NPC1: variants seen among roughly 807,000 people sequenced by gnomAD.
The protein encoded by NPC1 is Niemann-Pick C1 protein.
In NPC1, 85 loss-of-function variants were observed where a neutral mutation model predicts 140.4. The ratio of observed to expected loss-of-function variants is 0.61; its 90% CI spans 0.51 to 0.72. NPC1 has a LOEUF of 0.72. Among genes scored for constraint, NPC1 ranks in the 30% least tolerant of loss-of-function variants. The pLI is 0.00. For synonymous variants in NPC1, 656 were observed against 624.8 expected (o/e 1.05, Z -0.74); for missense variants, 1,504 against 1,623.8 (o/e 0.93, Z 1.27).
chr18:23,536,462 C>T (rs2058632560), intron 21 of NPC1, among the ~76,000 whole-genome samples: 2 of 152,148 alleles, frequency 1.3e-5, no homozygotes, highest in East Asian at 1.9e-4. Context: ...TCAAGTTTTG[C>T]GTCTCTAGCC....
chr18:23,552,519 A>G (rs1013696668), intron 9 of NPC1, among the ~76,000 whole-genome samples: 1 of 152,218 alleles, frequency 6.6e-6, no homozygotes, highest in Non-Finnish European at 1.5e-5. Flanking sequence ...TTTTACAAAG[A>G]TAGCTTGCGT....
intron 4 of NPC1, among the ~76,000 whole-genome samples, chr18:23,565,555 C>T (rs576387303): frequency 2.6e-5 from 4 of 152,220 alleles, no homozygotes; most frequent in African/African-American, 7.2e-5. Context: ...GGGGTTTCAC[C>T]ATGTTGGCCA....
chr18:23,561,857 A>G (rs1053015831), intron 4 of NPC1, among the ~76,000 whole-genome samples: 8 of 152,170 alleles, frequency 5.3e-5, no homozygotes, highest in Admixed American at 1.3e-4. Flanking sequence ...GCCCAGGAAG[A>G]CGCAGCTAAG....
chr18:23,554,216 C>G (rs997840162), intron 9 of NPC1, among the ~76,000 whole-genome samples: 2 of 152,144 alleles, frequency 1.3e-5, no homozygotes, highest in Admixed American at 6.5e-5. Flanking sequence ...ATGCACCCCC[C>G]ACTCTGTCCA....
rs2058765443 is a variant in NPC1, at chr18:23,544,948, C to CT, written c.1947+11_1947+12insA. ...TAACCTCTAGAACATACACCACCCCCCCCCGGCTTACCAGAAGCCTGCGAC... is the reference window on the plus strand; with the variant it reads ...TAACCTCTAGAACATACACCACCCCCTCCCCGGCTTACCAGAAGCCTGCGAC... On this transcript the variant is annotated intron_variant, in intron 12 of 24. Transcript: ENST00000269228. 2.9e-5 allele frequency: 40 copies of CT among 1,379,418 alleles called. 6 individuals are homozygous for CT. Among genetic ancestry groups the CT allele is most frequent in the Admixed American group, 3.5e-5 (2 of 56,796 alleles). The allele number at this position is 1,379,418 out of a possible 1,614,324, so 85.4% of individuals were successfully genotyped here.
chr18:23,581,690 T>C (rs570151365), intron 1 of NPC1, among the ~76,000 whole-genome samples: 2 of 152,254 alleles, frequency 1.3e-5, no homozygotes, highest in East Asian at 1.9e-4. Flanking sequence ...GTAATTTACA[T>C]ACCATAAAAT....
At chr18:23,560,867 C>G (rs12956532) in intron 5 of NPC1, among the ~76,000 whole-genome samples, 20,134 of 152,248 alleles carry the variant, frequency 0.13, 1,596 homozygotes, top group Middle Eastern at 0.28. Context: ...CAATTCATTT[C>G]CTCCTCCATT....
At chr18:23,545,212 C>T (rs2058772002) in intron 11 of NPC1, 63 bp from the exon 12 acceptor site, 20 of 1,235,706 alleles carry the variant, frequency 1.6e-5, no homozygotes, top group Non-Finnish European at 2.4e-5. Context: ...TAAGAAACTT[C>T]TCCCTAACTT....
At chr18:23,577,853 C>T (rs1159766186) in intron 1 of NPC1, among the ~76,000 whole-genome samples, 3 of 152,368 alleles carry the variant, frequency 2.0e-5, no homozygotes, top group African/African-American at 7.2e-5. Flanking sequence ...CCCAGTACAC[C>T]CTCTGCAGCC....
intron 11 of NPC1, 71 bp from the exon 12 acceptor site, chr18:23,545,220 C>A (rs1277295566): frequency 8.6e-7 from 1 of 1,157,386 alleles, no homozygotes; most frequent in African/African-American, 1.5e-5. Context: ...TTCTCCCTAA[C>A]TTTCACGATA....
At chr18:23,520,155 C>A (rs757968505), downstream of NPC1, 1 of 1,458,386 alleles carries the variant, frequency 6.9e-7, no homozygotes, top group South Asian at 1.1e-5. Flanking sequence ...AGCAACTGGG[C>A]AAACCATGAT....
chr18:23,583,083 G>A (rs946489403), intron 1 of NPC1, among the ~76,000 whole-genome samples: 1 of 148,900 alleles, frequency 6.7e-6, no homozygotes, highest in East Asian at 1.9e-4. Context: ...CTTCAGCCTG[G>A]GGGACAGTGC....
chr18:23,569,667 C>G (rs774480510), intron 3 of NPC1, among the ~76,000 whole-genome samples: 1 of 152,130 alleles, frequency 6.6e-6, no homozygotes, highest in South Asian at 2.1e-4. Context: ...TTATGAGAAT[C>G]TTCATCTTAT....
Position 23,572,318 on chromosome 18 carries a change from G to A in NPC1, c.181-138C>T, listed in dbSNP as rs555732980. ...GTAAGACACATCCTGTATTTGCAAA[G>A]TTATTATAGAATTATTTTAAAAGGC... On this transcript the variant is annotated intron_variant, in intron 2 of 24. Coordinates refer to ENST00000269228, the MANE Select transcript of NPC1 (RefSeq NM_000271.5). The A allele has an allele frequency of 3.5e-5, 23 of 665,706 alleles. No individual in the cohort carries two copies. The East Asian group carries it at 5.2e-4, about 15-fold the overall frequency. 41.2% of individuals were successfully genotyped at this position (665,706 alleles called of 1,614,324 possible).
At chr18:23,519,443 A>T (rs9967282), downstream of NPC1, among the ~76,000 whole-genome samples, 35 of 152,122 alleles carry the variant, frequency 2.3e-4, 1 homozygote, top group African/African-American at 8.4e-4. Flanking sequence ...GCTTGAGCCC[A>T]GGAGGTCGGG....
At chr18:23,531,087 T>C (rs1310254417), downstream of NPC1, among the ~76,000 whole-genome samples, 2 of 149,716 alleles carry the variant, frequency 1.3e-5, no homozygotes, top group Non-Finnish European at 3.0e-5. Context: ...CTCCGCTGGG[T>C]TCAAGCGATT....
At chr18:23,522,006 A>G (rs1176278887), downstream of NPC1, among the ~76,000 whole-genome samples, 1 of 152,190 alleles carries the variant, frequency 6.6e-6, no homozygotes, top group Non-Finnish European at 1.5e-5. Context: ...TCTTTGTCCG[A>G]TGGCATTGGG....
intron 1 of NPC1, among the ~76,000 whole-genome samples, chr18:23,576,225 AAAAC>A (rs758073394): frequency 1.4e-4 from 21 of 152,032 alleles, no homozygotes; most frequent in Middle Eastern, 3.4e-3. Context: ...ACTGTCTCAA[AAAAC>A]AAACAAAAAA....
chr18:23,565,192 G>A (rs1167999960), intron 4 of NPC1, among the ~76,000 whole-genome samples: 1 of 152,178 alleles, frequency 6.6e-6, no homozygotes, highest in Non-Finnish European at 1.5e-5. Flanking sequence ...TTTCCACAAA[G>A]AAGTCAGTTG....
Sources: gnomAD v4.1 joint callset for allele counts (sites outside exome capture counted in the v4.1 genomes callset) on GRCh38, gnomAD v4.1.1 for gene constraint, MANE v1.5 for transcripts, NCBI Gene and HGNC (gene_info 2026-07-23, HGNC 2026-07-21) for gene names.